The following UNC13C variants were observed in gnomAD, a reference collection of about 807,000 sequenced individuals.
The protein encoded by UNC13C is protein unc-13 homolog C.
UNC13C carries 174 observed loss-of-function variants against 245.4 expected under a neutral mutation model. The ratio of observed to expected loss-of-function variants is 0.71; its 90% confidence interval spans 0.63 to 0.80. The LOEUF (loss-of-function observed/expected upper bound fraction) is 0.80. UNC13C is among the 30% of genes least tolerant of loss of function. UNC13C has a pLI of 0.00. For synonymous variants in UNC13C, 992 were observed against 895.1 expected (o/e 1.11, Z -1.93); for missense variants, 2,829 against 2,602.9 (o/e 1.09, Z -1.89).
intron 4 of UNC13C, among the ~76,000 whole-genome samples, chr15:54,185,703 G>A (rs28754979): frequency 0.039 from 5,322 of 134,954 alleles, 191 homozygotes; most frequent in African/African-American, 0.1. Context: ...GTCAGGTAGC[G>A]TGATGCCTCC....
At chr15:54,094,324 T>C (rs1263224338) in intron 2 of UNC13C, among the ~76,000 whole-genome samples, 1 of 152,214 alleles carries the variant, frequency 6.6e-6, no homozygotes, top group Admixed American at 6.5e-5. Flanking sequence ...CCCTTATGGA[T>C]GTTACCTCTA....
the UNC13C span, among the ~76,000 whole-genome samples, chr15:53,891,597 C>T: frequency 6.6e-6 from 1 of 151,990 alleles, no homozygotes; most frequent in African/African-American, 2.4e-5. Context: ...TGAATTGATC[C>T]CTTTACCATT....
intron 17 of UNC13C, among the ~76,000 whole-genome samples, chr15:54,372,951 G>A (rs1002248011): frequency 1.3e-5 from 2 of 152,322 alleles, no homozygotes; most frequent in Non-Finnish European, 2.9e-5. Flanking sequence ...GTACTGGATA[G>A]CAGAGCTCTA....
intron 2 of UNC13C, among the ~76,000 whole-genome samples, chr15:54,023,772 TATTAACTGACGATGAAAG>T (rs1566957510): frequency 1.3e-5 from 2 of 152,114 alleles, no homozygotes; most frequent in African/African-American, 4.8e-5. Context: ...TTGAGGAAAA[TATTAACTGACGATGAAAG>T]ATGGCAGTTT....
chr15:54,020,460 TTTTA>T lies in UNC13C; in HGVS notation c.2983+4575_2983+4578del, dbSNP rs1266895384. 3.3e-3 allele frequency among the ~76,000 whole-genome samples: 450 copies of T among 136,826 alleles called. 4 individuals are homozygous for T. Among genetic ancestry groups the T allele is most frequent in the South Asian group, 7.0e-3 (30 of 4,266 alleles). The allele number at this position is 136,826 out of a possible 152,430, so 89.8% of individuals were successfully genotyped here. On this transcript the variant is annotated intron_variant, in intron 2 of 32. Transcript: ENST00000260323. ...CAGCTAATTTTTTTTTTTTTTTTTT[TTTTA>T]ATTAGAGATGGAGTTTCACCATATT...
At chr15:54,034,844 C>G (rs2141023198) in intron 2 of UNC13C, among the ~76,000 whole-genome samples, 1 of 152,302 alleles carries the variant, frequency 6.6e-6, no homozygotes, top group African/African-American at 2.4e-5. Flanking sequence ...GTATCTATCA[C>G]AAAAGATTTT....
At chr15:54,335,555 C>T (rs2038551638) in intron 16 of UNC13C, among the ~76,000 whole-genome samples, 1 of 152,086 alleles carries the variant, frequency 6.6e-6, no homozygotes, top group Non-Finnish European at 1.5e-5. Context: ...CCATTGTTGT[C>T]AACCCTTCTC....
chr15:54,453,750 T>C (rs779573825), intron 19 of UNC13C, among the ~76,000 whole-genome samples: 6 of 152,382 alleles, frequency 3.9e-5, no homozygotes, highest in Non-Finnish European at 8.8e-5. Context: ...TATTCTCAGT[T>C]AAGCACACTT....
In UNC13C at chr15:54,282,640, G is replaced by T. The variant is rs543871293; in HGVS notation, c.3819-11255G>T. Among the ~76,000 whole-genome samples the T allele has an allele frequency of 3.2e-4, 48 of 152,288 alleles. 2 individuals are homozygous for T. The South Asian group carries it at 9.3e-3, about 30-fold the overall frequency. On this transcript the variant is annotated intron_variant, in intron 10 of 32. Transcript: ENST00000260323. ...TTGGCCCCTTGCCTCATCATGTGGG[G>T]TGGGTGCCCTCTGCTGACAAGTGCA... is the stretch of plus-strand genomic sequence containing the variant.
At position 54,458,422 on chromosome 15, in the gene UNC13C, A is replaced by C. The variant is rs1223924163; in HGVS notation, c.4934-36186A>C. On this transcript the variant is annotated intron_variant, in intron 19 of 32. Coordinates refer to ENST00000260323, the MANE Select transcript of UNC13C (RefSeq NM_001080534.3). ...ATCCATTTGTTCTAGGGTATAATTT[A>C]AGTCCATTGTTTCTTTGTTGACTTT... Among the ~76,000 whole-genome samples, 29 of 152,090 alleles carry C rather than the reference A, an allele frequency of 1.9e-4. 1 individual carries two copies. The highest frequency in any genetic ancestry group is 1.9e-3 in the Admixed American group (29 of 15,274).
chr15:53,856,131 T>C, the UNC13C span, among the ~76,000 whole-genome samples: 3 of 152,148 alleles, frequency 2.0e-5, no homozygotes, highest in African/African-American at 7.2e-5. Flanking sequence ...GGGTCAGTGG[T>C]GATATACACT....
At chr15:53,944,441 T>C in the UNC13C span, among the ~76,000 whole-genome samples, 172 of 152,238 alleles carry the variant, frequency 1.1e-3, 7 homozygotes, top group East Asian at 0.026. Context: ...CTTGTCGTTC[T>C]GTTGTTCCCC....
At chr15:54,041,955 G>T (rs1287860983) in intron 2 of UNC13C, among the ~76,000 whole-genome samples, 1 of 152,122 alleles carries the variant, frequency 6.6e-6, no homozygotes, top group Admixed American at 6.6e-5. Context: ...TTCACAATCC[G>T]ATCGAGTACA....
intron 28 of UNC13C, 43 bp from the exon 29 acceptor site, chr15:54,555,389 A>G (rs1181551139): frequency 9.8e-6 from 15 of 1,537,994 alleles, no homozygotes; most frequent in Non-Finnish European, 1.3e-5. Flanking sequence ...TGTTGAATAC[A>G]TGAACTGGTT....
intron 30 of UNC13C, among the ~76,000 whole-genome samples, chr15:54,572,571 G>T (rs551441378): frequency 3.3e-5 from 5 of 151,708 alleles, no homozygotes; most frequent in East Asian, 3.9e-4. Flanking sequence ...GATTATAGGT[G>T]CACGCCACCA....
At chr15:53,934,460 G>A in the UNC13C span, among the ~76,000 whole-genome samples, 126 of 152,200 alleles carry the variant, frequency 8.3e-4, no homozygotes, top group African/African-American at 2.8e-3. Context: ...CATGTTTGCC[G>A]AGTGCGTGAA....
At chr15:54,535,330 A>G (rs776677664) in intron 26 of UNC13C, among the ~76,000 whole-genome samples, 13 of 152,184 alleles carry the variant, frequency 8.5e-5, no homozygotes, top group Non-Finnish European at 1.8e-4. Flanking sequence ...TCCTACACAT[A>G]TATCCACCTA....
At chr15:54,210,259 C>G (rs1445583554) in intron 4 of UNC13C, among the ~76,000 whole-genome samples, 3 of 148,566 alleles carry the variant, frequency 2.0e-5, no homozygotes, top group South Asian at 2.1e-4. Flanking sequence ...TATATATGGT[C>G]TAACAAAACC....
chr15:54,089,315 A>G (rs1405222602), intron 2 of UNC13C, among the ~76,000 whole-genome samples: 1 of 152,192 alleles, frequency 6.6e-6, no homozygotes, highest in Admixed American at 6.5e-5. Context: ...ATTTGGAAGA[A>G]TGTGTCTACA....
Sources: gnomAD v4.1 joint callset for allele counts (sites outside exome capture counted in the v4.1 genomes callset) on GRCh38, gnomAD v4.1.1 for gene constraint, MANE v1.5 for transcripts, NCBI Gene and HGNC (gene_info 2026-07-23, HGNC 2026-07-21) for gene names.